Variants in LRRC37A observed in about 807,000 individuals in gnomAD.
LRRC37A encodes leucine-rich repeat-containing protein 37A.
A neutral mutation model predicts 35.4 loss-of-function variants in LRRC37A; 3 were observed. That is an observed-to-expected ratio of 0.08 (90% CI 0.04 to 0.22). The LOEUF is 0.22. Among genes scored for constraint, LRRC37A ranks in the 10% least tolerant of loss-of-function variants. The pLI is 1.00. For missense variants in LRRC37A, 67 were observed against 565.3 expected (o/e 0.12, Z 8.94); for synonymous variants, 23 against 215.0 (o/e 0.11, Z 7.81).
chr17:46,291,425 G>A (rs2143462332), upstream of LRRC37A, among the ~76,000 whole-genome samples: 1 of 152,214 alleles, frequency 6.6e-6, no homozygotes, highest in South Asian at 2.1e-4. Context: ...GGAGGAAGTG[G>A]TGGCTGAACA....
chr17:46,263,871 A>AGAG, the LRRC37A span, among the ~76,000 whole-genome samples: 19 of 146,498 alleles, frequency 1.3e-4, no homozygotes, highest in African/African-American at 4.7e-4. Context: ...AAAAAAAAAA[A>AGAG]AAAGAGAGAG....
upstream of LRRC37A, among the ~76,000 whole-genome samples, chr17:46,290,515 C>T (rs756081871): frequency 3.3e-5 from 5 of 152,298 alleles, no homozygotes; most frequent in African/African-American, 4.8e-5. Flanking sequence ...GGCATGATCT[C>T]GGCTCACTGC....
the LRRC37A span, among the ~76,000 whole-genome samples, chr17:46,254,829 C>T: frequency 1.3e-3 from 195 of 151,178 alleles, no homozygotes; most frequent in Admixed American, 2.5e-3. Context: ...TAAGCCACCG[C>T]GCCTGTTTTT....
chr17:46,266,939 C>CGCGCCGCCGAGG, the LRRC37A span: 1 of 166,600 alleles, frequency 6.0e-6, no homozygotes, highest in African/African-American at 2.4e-5. Context: ...GCCGCGCGCG[C>CGCGCCGCCGAGG]GCGCCGCCGA....
exon 9 of LRRC37A, chr17:46,331,237 A>C (rs1796242664): frequency 1.4e-6 from 1 of 727,012 alleles, no homozygotes; most frequent in Admixed American, 2.8e-5. Flanking sequence ...GAACAACCAA[A>C]GTCAAAAAGA....
At chr17:46,290,772 T>G (rs1313553284), upstream of LRRC37A, among the ~76,000 whole-genome samples, 1 of 152,248 alleles carries the variant, frequency 6.6e-6, no homozygotes, top group African/African-American at 2.4e-5. Flanking sequence ...TTATAGATTC[T>G]AAAGCAGAGA....
chr17:46,260,658 T>G, the LRRC37A span: 9 of 1,398,798 alleles, frequency 6.4e-6, no homozygotes, highest in Non-Finnish European at 7.7e-6. Flanking sequence ...AGTTTCACTC[T>G]TGTTCTCCAG....
At chr17:46,267,381 C>T in the LRRC37A span, 1 of 1,092,888 alleles carries the variant, frequency 9.2e-7, no homozygotes. Context: ...GGCTGGTGAC[C>T]CTGCTGGTGG....
the LRRC37A span, among the ~76,000 whole-genome samples, chr17:46,282,931 C>T: frequency 6.6e-6 from 1 of 151,824 alleles, no homozygotes; most frequent in Non-Finnish European, 1.5e-5. Flanking sequence ...CCATCCTGGC[C>T]AACACAGTGA....
At chr17:46,277,806 C>T in the LRRC37A span, among the ~76,000 whole-genome samples, 48 of 152,166 alleles carry the variant, frequency 3.2e-4, no homozygotes, top group African/African-American at 1.1e-3. Flanking sequence ...ACCCTTACGC[C>T]TAGCTAATTT....
rs2051539298 is a variant in LRRC37A, at chr17:46,323,796, T to G, written c.3053+769T>G. Among the ~76,000 whole-genome samples the G allele has an allele frequency of 3.9e-5, 4 of 101,892 alleles. 1 individual carries two copies. Among genetic ancestry groups the G allele is most frequent in the Middle Eastern group, 0.011 (2 of 174 alleles). 66.8% of individuals were successfully genotyped at this position (101,892 alleles called of 152,430 possible). A position where few individuals can be genotyped will look rare whatever the true frequency, so the allele number is the denominator to read the frequency against. The stretch of plus-strand genomic sequence containing the variant: ...TATCTGCAGGTTCCTCATCCATAGA[T>G]TCAACGAACCATGGATGGAGAATAT... On this transcript the variant is annotated intron_variant, in intron 7 of 13. Coordinates refer to ENST00000320254, the Ensembl canonical transcript of LRRC37A.
chr17:46,281,090 GT>G, the LRRC37A span, among the ~76,000 whole-genome samples: 2 of 152,058 alleles, frequency 1.3e-5, no homozygotes. Flanking sequence ...TCTAATTCTT[GT>G]TTTATAGATT....
chr17:46,288,638 G>A (rs1259835615), upstream of LRRC37A, among the ~76,000 whole-genome samples: 1 of 151,982 alleles, frequency 6.6e-6, no homozygotes, highest in African/African-American at 2.4e-5. Flanking sequence ...TGAGCAGTGA[G>A]GACGACCAGA....
the LRRC37A span, among the ~76,000 whole-genome samples, chr17:46,281,508 C>T: frequency 1.3e-5 from 2 of 152,238 alleles, no homozygotes; most frequent in Admixed American, 6.5e-5. Context: ...CAGCTCACTG[C>T]AGCCTTGAAC....
the LRRC37A span, among the ~76,000 whole-genome samples, chr17:46,270,352 G>A: frequency 1.3e-5 from 2 of 152,232 alleles, no homozygotes; most frequent in Non-Finnish European, 2.9e-5. Context: ...TTCCAATTAT[G>A]GGGCAGACAG....
the LRRC37A span, chr17:46,259,447 C>T: frequency 2.5e-6 from 3 of 1,205,556 alleles, no homozygotes; most frequent in Non-Finnish European, 2.4e-6. Flanking sequence ...ATGCCCCTCC[C>T]CACCTTTGGG....
chr17:46,315,681 AT>A, intron 5 of LRRC37A, among the ~76,000 whole-genome samples: 1 of 49,090 alleles, frequency 2.0e-5, no homozygotes, highest in East Asian at 4.6e-4. Flanking sequence ...ATCTCTAAAA[AT>A]TTTTTTTAGT....
chr17:46,286,907 C>T, the LRRC37A span, among the ~76,000 whole-genome samples: 2 of 152,216 alleles, frequency 1.3e-5, no homozygotes, highest in African/African-American at 2.4e-5. Flanking sequence ...TCCTTTTCTG[C>T]GATGCCAACA....
chr17:46,260,530 C>G, the LRRC37A span: 1 of 1,598,660 alleles, frequency 6.3e-7, no homozygotes, highest in Non-Finnish European at 8.6e-7. Context: ...CCAGGCGATG[C>G]CTGTCTCCCT....
Sources: gnomAD v4.1 joint callset for allele counts (sites outside exome capture counted in the v4.1 genomes callset) on GRCh38, gnomAD v4.1.1 for gene constraint, MANE v1.5 for transcripts, NCBI Gene and HGNC (gene_info 2026-07-23, HGNC 2026-07-21) for gene names.